DAAM2: variants seen among roughly 807,000 people sequenced by gnomAD.
DAAM2 encodes dishevelled associated activator of morphogenesis 2.
A neutral mutation model predicts 120.7 loss-of-function variants in DAAM2; 39 were observed. That is an observed-to-expected ratio of 0.32 (90% CI 0.25 to 0.42). The LOEUF (loss-of-function observed/expected upper bound fraction) is 0.42, where lower values mean the gene tolerates loss of function less well. Among genes scored for constraint, DAAM2 ranks in the 10% least tolerant of loss-of-function variants. The pLI is 1.00. For missense variants in DAAM2, 1,283 were observed against 1,401.7 expected (o/e 0.92, Z 1.35); for synonymous variants, 488 against 524.9 (o/e 0.93, Z 0.96).
At chr6:39,895,218 C>CTTTATTTACTTA (rs112733321) in intron 19 of DAAM2, among the ~76,000 whole-genome samples, 1 of 90,354 alleles carries the variant, frequency 1.1e-5, no homozygotes, top group African/African-American at 3.7e-5. Context: ...ATTTTTACAA[C>CTTTATTTACTTA]TTTATTTACT....
chr6:39,796,638 A>C (rs79344064), intron 1 of DAAM2, among the ~76,000 whole-genome samples: 1 of 38,830 alleles, frequency 2.6e-5, no homozygotes, highest in African/African-American at 5.2e-5. Context: ...AAAAAAAAAA[A>C]AAACCTGTAA....
chr6:39,811,522 C>A (rs1762161717), intron 1 of DAAM2, among the ~76,000 whole-genome samples: 2 of 152,068 alleles, frequency 1.3e-5, no homozygotes, highest in Non-Finnish European at 2.9e-5. Context: ...AAATGGCAAC[C>A]CCACCCGGCA....
Position 39,896,919 on chromosome 6 carries a change from G to A in DAAM2, c.2449G>A (p.Ala817Thr), listed in dbSNP as rs764394245. The A allele has an allele frequency of 6.8e-6, 11 of 1,613,544 alleles. No individual in the cohort carries two copies. Among genetic ancestry groups the A allele is most frequent in the African/African-American group, 1.3e-5 (1 of 74,884 alleles). Residue 817 changes from alanine (A) to threonine (T), a missense_variant, in exon 20 of 25, where the codon GCC becomes ACC. By Grantham distance (58) the Ala-to-Thr change is moderately conservative (BLOSUM62 0). This residue lies in a region of DAAM2 where 748 missense variants were observed against 768.6 expected (regional missense o/e 0.97). Transcript: ENST00000274867. ...CATGAACAAAGGGCAGCGTGGGGGC[G>A]CCTACGGGTTCCGGGTGGCCAGCCT... Reference protein sequence around the residue: ...NFMNKGQRGGAYGFRVASLNK... With the variant: ...NFMNKGQRGGTYGFRVASLNK...
chr6:39,831,981 TG>T (rs1157093741), intron 1 of DAAM2, among the ~76,000 whole-genome samples: 3 of 18,866 alleles, frequency 1.6e-4, no homozygotes, highest in African/African-American at 4.3e-4. Context: ...GTAGGTGCAC[TG>T]GGGGGTAGGT....
chr6:39,891,266 T>C (rs1765696783), intron 17 of DAAM2, 75 bp from the exon 18 acceptor site: 1 of 1,201,092 alleles, frequency 8.3e-7, no homozygotes, highest in African/African-American at 1.5e-5. Flanking sequence ...CCCAAGTCAG[T>C]ACAGCTTCTC....
chr6:39,792,689 G>T (rs1761583145), intron 1 of DAAM2, among the ~76,000 whole-genome samples: 2 of 152,220 alleles, frequency 1.3e-5, no homozygotes. Flanking sequence ...TGAGTTGTGT[G>T]TGTGTATGAG....
intron 7 of DAAM2, among the ~76,000 whole-genome samples, 153 bp downstream of exon 7, chr6:39,869,086 G>C (rs1764547097): frequency 6.6e-6 from 1 of 152,128 alleles, no homozygotes; most frequent in Non-Finnish European, 1.5e-5. Flanking sequence ...ATGCACGGTG[G>C]ACAGACCCAG....
intron 1 of DAAM2, among the ~76,000 whole-genome samples, chr6:39,846,693 T>C (rs1055144901): frequency 7.2e-6 from 1 of 139,706 alleles, no homozygotes; most frequent in African/African-American, 2.6e-5. Context: ...CATAACCACA[T>C]CCACGCTTTT....
chr6:39,804,280 T>C (rs1761946921), intron 1 of DAAM2, among the ~76,000 whole-genome samples: 2 of 152,204 alleles, frequency 1.3e-5, no homozygotes, highest in African/African-American at 2.4e-5. Context: ...GATTTGATAC[T>C]CCTAGAAGGT....
chr6:39,815,702 C>T (rs550695429), intron 1 of DAAM2, among the ~76,000 whole-genome samples: 14 of 151,384 alleles, frequency 9.2e-5, no homozygotes, highest in Admixed American at 6.6e-4. Flanking sequence ...CACAAGGCTT[C>T]ATGAATGCGG....
intron 6 of DAAM2, 196 bp from the exon 7 acceptor site, chr6:39,868,627 T>G: frequency 1.7e-6 from 1 of 577,578 alleles, no homozygotes; most frequent in Non-Finnish European, 3.1e-6. Flanking sequence ...GCACTGCCAC[T>G]GAGGTGAGAG....
chr6:39,811,896 T>C (rs1013846457), intron 1 of DAAM2, among the ~76,000 whole-genome samples: 9 of 152,130 alleles, frequency 5.9e-5, no homozygotes, highest in Admixed American at 2.6e-4. Flanking sequence ...GAGAAGCCAG[T>C]CCCCTTCCTG....
intron 1 of DAAM2, among the ~76,000 whole-genome samples, chr6:39,836,433 GA>G (rs1247007998): frequency 6.6e-6 from 1 of 152,184 alleles, no homozygotes; most frequent in East Asian, 1.9e-4. Context: ...CAACTCACAA[GA>G]AAAACGCGAG....
chr6:39,834,334 A>G (rs2114219365), intron 1 of DAAM2, among the ~76,000 whole-genome samples: 1 of 152,334 alleles, frequency 6.6e-6, no homozygotes, highest in East Asian at 1.9e-4. Flanking sequence ...ACTCATTTTA[A>G]CTATGACTTT....
chr6:39,893,322 C>T (rs1404795346), intron 19 of DAAM2, among the ~76,000 whole-genome samples: 1 of 152,188 alleles, frequency 6.6e-6, no homozygotes, highest in Non-Finnish European at 1.5e-5. Context: ...TGAGACCACT[C>T]TGGCTAACAC....
chr6:39,887,370 C>A (rs2149347979), intron 15 of DAAM2, 116 bp from the exon 16 acceptor site: 3 of 672,434 alleles, frequency 4.5e-6, no homozygotes, highest in South Asian at 3.7e-5. Flanking sequence ...TTTTCTTCCC[C>A]CTTCCCCTCA....
In DAAM2 at chr6:39,901,150, G is replaced by T. The variant is rs1766456131; in HGVS notation, c.2812-152G>T. 6.6e-6 allele frequency among the ~76,000 whole-genome samples: 1 copy of T among 152,048 alleles called. No individual in the cohort carries two copies. Among genetic ancestry groups the T allele is most frequent in the East Asian group, 1.9e-4 (1 of 5,144 alleles). Reference sequence around the variant, plus strand: ...GTCTCTGATCCTGATGATGATGGGGGTGTCTTCTCACCTCTTCCAGCCCTG... The same window carrying T: ...GTCTCTGATCCTGATGATGATGGGGTTGTCTTCTCACCTCTTCCAGCCCTG... On this transcript the variant is annotated intron_variant, in intron 23 of 24. Transcript: ENST00000274867. The surrounding 1 kb of genome is among the most constrained non-coding windows in gnomAD (Gnocchi z 4.5).
intron 7 of DAAM2, among the ~76,000 whole-genome samples, chr6:39,869,322 T>A (rs981351117): frequency 2.0e-5 from 3 of 152,128 alleles, no homozygotes; most frequent in Non-Finnish European, 4.4e-5. Context: ...TGGTGGCTCA[T>A]GCCTGTAATC....
intron 17 of DAAM2, among the ~76,000 whole-genome samples, chr6:39,889,641 C>T (rs1212384647): frequency 6.6e-6 from 1 of 152,128 alleles, no homozygotes; most frequent in Non-Finnish European, 1.5e-5. Flanking sequence ...GAGGCATTGA[C>T]CCTCCATGCA....
Sources: gnomAD v4.1 joint callset for allele counts (sites outside exome capture counted in the v4.1 genomes callset) on GRCh38, gnomAD v4.1.1 for gene constraint, gnomAD v4.1.1 regional missense constraint, Gnocchi (gnomAD v3.1) non-coding constraint, MANE v1.5 for transcripts, NCBI Gene and HGNC (gene_info 2026-07-23, HGNC 2026-07-21) for gene names.